ITGBL1: variants seen among roughly 807,000 people sequenced by gnomAD.
ITGBL1 encodes the protein integrin subunit beta like 1, also known as integrin beta-like protein 1.
Under a neutral mutation model 68.5 loss-of-function variants are expected in ITGBL1, and 51 were observed. That is an observed-to-expected ratio of 0.74 (90% CI 0.59 to 0.94). ITGBL1 has a LOEUF of 0.94. ITGBL1 is among the 40% of genes least tolerant of loss of function. ITGBL1 has a pLI of 0.00. For synonymous variants in ITGBL1, 209 were observed against 227.3 expected, an observed-to-expected ratio of 0.92 and a Z score of 0.72; for missense variants, 649 against 647.4, an observed-to-expected ratio of 1.00 and a Z score of -0.03.
At chr13:101,551,979 C>T (rs945029967) in intron 2 of ITGBL1, among the ~76,000 whole-genome samples, 4 of 152,116 alleles carry the variant, frequency 2.6e-5, no homozygotes, top group African/African-American at 9.7e-5. Flanking sequence ...TTGAACTGAT[C>T]ATATTTTCAT....
At chr13:101,544,967 A>G (rs1485959971) in intron 2 of ITGBL1, among the ~76,000 whole-genome samples, 1 of 152,194 alleles carries the variant, frequency 6.6e-6, no homozygotes, top group East Asian at 1.9e-4. Flanking sequence ...TTCTTTGACT[A>G]GGAAAGGGAA....
chr13:101,529,083 T>TA (rs2049429359), intron 2 of ITGBL1, among the ~76,000 whole-genome samples: 1 of 151,750 alleles, frequency 6.6e-6, no homozygotes, highest in African/African-American at 2.4e-5. Context: ...AAATGAAGAC[T>TA]AAACTAGAAA....
chr13:101,697,262 C>T (rs2139566592), intron 8 of ITGBL1, among the ~76,000 whole-genome samples: 1 of 151,980 alleles, frequency 6.6e-6, no homozygotes, highest in African/African-American at 2.4e-5. Flanking sequence ...GAAATGGAAA[C>T]CACAAAATAA....
At chr13:101,613,173 T>C (rs2031213425) in intron 7 of ITGBL1, among the ~76,000 whole-genome samples, 2 of 152,202 alleles carry the variant, frequency 1.3e-5, no homozygotes, top group African/African-American at 2.4e-5. Context: ...CTTGAAACAG[T>C]ATATATGAAA....
intron 2 of ITGBL1, among the ~76,000 whole-genome samples, chr13:101,550,184 T>C (rs767389691): frequency 6.6e-6 from 1 of 152,192 alleles, no homozygotes; most frequent in Non-Finnish European, 1.5e-5. Flanking sequence ...TTTGTCAACA[T>C]AGGCCCTGAC....
At chr13:101,627,927 A>T (rs956698877) in intron 7 of ITGBL1, among the ~76,000 whole-genome samples, 1 of 152,184 alleles carries the variant, frequency 6.6e-6, no homozygotes, top group African/African-American at 2.4e-5. Flanking sequence ...GCAGGTTTTC[A>T]TGTGGACATT....
chr13:101,484,047 C>T (rs7335131), intron 2 of ITGBL1, among the ~76,000 whole-genome samples: 34,233 of 151,464 alleles, frequency 0.23, 4,297 homozygotes, highest in East Asian at 0.48. Flanking sequence ...TTTTTGTAGA[C>T]GGCATATTTG....
chr13:101,520,579 A>G (rs1055650890), intron 2 of ITGBL1, among the ~76,000 whole-genome samples: 5 of 152,178 alleles, frequency 3.3e-5, no homozygotes, highest in African/African-American at 1.2e-4. Context: ...GAGGTGATGG[A>G]ATCCAATCAT....
chr13:101,655,809 G>T (rs753391466), intron 7 of ITGBL1, among the ~76,000 whole-genome samples: 5 of 152,212 alleles, frequency 3.3e-5, no homozygotes, highest in Non-Finnish European at 7.3e-5. Context: ...AATGCCCAAA[G>T]AGATGCTATG....
chr13:101,647,223 A>G (rs1269663979), intron 7 of ITGBL1, among the ~76,000 whole-genome samples: 7 of 152,154 alleles, frequency 4.6e-5, no homozygotes, highest in Non-Finnish European at 7.4e-5. Context: ...GTTTACCACA[A>G]TTATAGAAAT....
At chr13:101,572,191 C>T (rs9518448) in intron 3 of ITGBL1, among the ~76,000 whole-genome samples, 11,758 of 152,112 alleles carry the variant, frequency 0.077, 594 homozygotes, top group African/African-American at 0.14. Context: ...AGGACCATTT[C>T]CCCCAAATTG....
In ITGBL1 at chr13:101,692,025, C is replaced by T. The variant is rs550146707; in HGVS notation, c.1016-560C>T. 9.4e-4 allele frequency among the ~76,000 whole-genome samples: 143 copies of T among 152,072 alleles called. 2 individuals are homozygous for T. Among genetic ancestry groups the T allele is most frequent in the African/African-American group, 3.1e-3 (130 of 41,470 alleles). ...ATATTTATAATTTTAAATTTTAAGACGAGGATAATAAAGATATTTAGGTTA... is the reference window on the plus strand; with the variant it reads ...ATATTTATAATTTTAAATTTTAAGATGAGGATAATAAAGATATTTAGGTTA... On this transcript the variant is annotated intron_variant, in intron 7 of 10. Coordinates refer to ENST00000376180, the MANE Select transcript of ITGBL1 (RefSeq NM_004791.3).
At chr13:101,484,067 T>C (rs1013308679) in intron 2 of ITGBL1, among the ~76,000 whole-genome samples, 6 of 151,766 alleles carry the variant, frequency 4.0e-5, no homozygotes, top group African/African-American at 7.2e-5. Context: ...GGTTTTTTTT[T>C]CCCCTGCTTT....
chr13:101,541,734 C>A (rs1047311197), intron 2 of ITGBL1, among the ~76,000 whole-genome samples: 3 of 152,050 alleles, frequency 2.0e-5, no homozygotes. Flanking sequence ...AATTTCAGAG[C>A]CTATTATTGG....
chr13:101,621,353 G>A (rs1371261649), intron 7 of ITGBL1, among the ~76,000 whole-genome samples: 1 of 152,038 alleles, frequency 6.6e-6, no homozygotes, highest in Non-Finnish European at 1.5e-5. Flanking sequence ...TTCTATTTCT[G>A]TTTATTTGTC....
chr13:101,694,630 C>T (rs1215033039), intron 8 of ITGBL1, among the ~76,000 whole-genome samples: 1 of 152,026 alleles, frequency 6.6e-6, no homozygotes, highest in Admixed American at 6.6e-5. Flanking sequence ...CTAAGTGGCC[C>T]AGATTGATCT....
chr13:101,522,973 A>G (rs1292679206), intron 2 of ITGBL1, among the ~76,000 whole-genome samples: 2 of 152,210 alleles, frequency 1.3e-5, no homozygotes, highest in Non-Finnish European at 2.9e-5. Context: ...ACATCTCAAA[A>G]TGCATTCCTC....
At chr13:101,517,130 A>G (rs981395125) in intron 2 of ITGBL1, among the ~76,000 whole-genome samples, 1 of 152,104 alleles carries the variant, frequency 6.6e-6, no homozygotes, top group Non-Finnish European at 1.5e-5. Flanking sequence ...TGCCAACCTC[A>G]CCTTGCTTCT....
intron 8 of ITGBL1, among the ~76,000 whole-genome samples, chr13:101,700,150 A>G (rs1324379699): frequency 1.3e-5 from 2 of 152,208 alleles, no homozygotes; most frequent in South Asian, 2.1e-4. Context: ...GCTTGTGCCT[A>G]GCTGCTTACT....
Sources: allele counts gnomAD v4.1 joint callset (sites outside exome capture counted in the v4.1 genomes callset), GRCh38; gene constraint gnomAD v4.1.1; transcripts MANE v1.5; gene names NCBI Gene and HGNC (gene_info 2026-07-23, HGNC 2026-07-21).